IL1F10: variants seen among roughly 807,000 people sequenced by gnomAD.
IL1F10 encodes the protein interleukin 1 family member 10, also known as interleukin-1 family member 10.
IL1F10 carries 13 observed loss-of-function variants against 13.1 expected under a neutral mutation model. The observed-to-expected ratio is 0.99, with a 90% CI of 0.64 to 1.57. IL1F10 has a LOEUF of 1.57. Ranked by LOEUF, IL1F10 falls within the 40% of genes most tolerant of loss-of-function variation. IL1F10 has a pLI of 0.00. For synonymous variants in IL1F10, 78 were observed against 68.2 expected (o/e 1.14, Z -0.71); for missense variants, 191 against 184.1 (o/e 1.04, Z -0.22).
chr2:113,073,695 C>T (rs574101264), intron 2 of IL1F10, among the ~76,000 whole-genome samples: 23 of 152,214 alleles, frequency 1.5e-4, no homozygotes, highest in African/African-American at 5.5e-4. Flanking sequence ...AGGGTATTAT[C>T]GTTAGCTGTT....
At chr2:113,071,788 C>A (rs941642675) in intron 1 of IL1F10, among the ~76,000 whole-genome samples, 1 of 152,126 alleles carries the variant, frequency 6.6e-6, no homozygotes, top group Non-Finnish European at 1.5e-5. Flanking sequence ...TTCTTCCTTT[C>A]TCTTCTCTCA....
At chr2:113,071,919 C>T in intron 1 of IL1F10, among the ~76,000 whole-genome samples, 1 of 152,210 alleles carries the variant, frequency 6.6e-6, no homozygotes, top group East Asian at 1.9e-4. Flanking sequence ...ATTTCCAACT[C>T]CTGATTAGCT....
At chr2:113,069,626 A>C (rs934692986) in intron 1 of IL1F10, among the ~76,000 whole-genome samples, 2 of 152,220 alleles carry the variant, frequency 1.3e-5, no homozygotes, top group African/African-American at 4.8e-5. Context: ...TATCAGCAGG[A>C]TGTCCAAAGT....
chr2:113,071,299 T>G (rs997777662), intron 1 of IL1F10, among the ~76,000 whole-genome samples: 3 of 152,252 alleles, frequency 2.0e-5, no homozygotes, highest in African/African-American at 4.8e-5. Context: ...TTTATTGAAT[T>G]TTGCTATAAT....
Position 113,074,353 on chromosome 2 carries a change from T to C in IL1F10, c.57T>C (p.Ala19=). The C allele has an allele frequency of 6.2e-7, 1 of 1,613,460 alleles. No individual in the cohort carries two copies. Among genetic ancestry groups the C allele is most frequent in the Non-Finnish European group, 8.5e-7 (1 of 1,179,426 alleles). The change falls in exon 3 of 5, where the codon GCT becomes GCC. Residue 19 remains alanine (A), a synonymous_variant. Coordinates refer to ENST00000341010, the MANE Select transcript of IL1F10 (RefSeq NM_173161.3). ...YYIIKYADQK[A]LYTRDGQLLV... The stretch of plus-strand genomic sequence containing the variant: ...GAATTAAATATGCAGACCAGAAGGC[T>C]CTATACACAAGAGATGGCCAGCTGC...
In IL1F10 at chr2:113,074,427, G is replaced by A; in HGVS notation, c.118+13G>A. 5 of 1,598,482 alleles carry A rather than the reference G, an allele frequency of 3.1e-6. No individual in the cohort carries two copies. The highest frequency in any genetic ancestry group is 3.4e-6 in the Non-Finnish European group (4 of 1,166,250). Reference sequence around the variant, plus strand: ...AACTGCTGTGCAGGTGAGCTTCTGGGGCCTCCACCCCATGCTCCATCTGCC... The same window carrying A: ...AACTGCTGTGCAGGTGAGCTTCTGGAGCCTCCACCCCATGCTCCATCTGCC... On this transcript the variant is annotated intron_variant, in intron 3 of 4. Coordinates refer to ENST00000341010, the MANE Select transcript of IL1F10 (RefSeq NM_173161.3).
rs574823626 is a variant in IL1F10, at chr2:113,070,477, G to C, written c.-28-2234G>C. On this transcript the variant is annotated intron_variant, in intron 1 of 4. Transcript: ENST00000341010. ...CACTGACCCAGAGTGGGAGTCATCAGCTTGCTATCCACCTTCACCCAGGGC... is the reference window on the plus strand; with the variant it reads ...CACTGACCCAGAGTGGGAGTCATCACCTTGCTATCCACCTTCACCCAGGGC... Among the ~76,000 whole-genome samples the C allele has an allele frequency of 4.6e-5, 7 of 152,308 alleles. No individual in the cohort carries two copies. The East Asian group carries it at 1.2e-3, about 25-fold the overall frequency.
At chr2:113,074,503 G>T in intron 3 of IL1F10, 89 bp downstream of exon 3, 1 of 1,169,598 alleles carries the variant, frequency 8.5e-7, no homozygotes, top group Non-Finnish European at 1.3e-6. Flanking sequence ...AGGGTCAGCA[G>T]CTGCCCCCAG....
At chr2:113,071,967 T>G (rs1338552293) in intron 1 of IL1F10, among the ~76,000 whole-genome samples, 1 of 152,184 alleles carries the variant, frequency 6.6e-6, no homozygotes, top group Non-Finnish European at 1.5e-5. Context: ...GACTGGCCTT[T>G]CCAATGGGTG....
At chr2:113,074,518 A>C (rs1685899319) in intron 3 of IL1F10, 104 bp downstream of exon 3, 2 of 1,103,648 alleles carry the variant, frequency 1.8e-6, no homozygotes, top group East Asian at 4.7e-5. Context: ...CCCCAGTGAC[A>C]GTGAGAAGGG....
chr2:113,069,168 G>A (rs192542144), intron 1 of IL1F10, among the ~76,000 whole-genome samples: 2 of 152,220 alleles, frequency 1.3e-5, no homozygotes, highest in Non-Finnish European at 2.9e-5. Flanking sequence ...GAGAAGATAA[G>A]AAAGGAATTA....
intron 4 of IL1F10, 25 bp from the exon 5 acceptor site, chr2:113,075,127 G>A: frequency 6.3e-7 from 1 of 1,574,822 alleles, no homozygotes; most frequent in Middle Eastern, 1.7e-4. Context: ...CTCTCATTCT[G>A]CAGCCATCCA....
In IL1F10 at chr2:113,074,830, G is replaced by C; in HGVS notation, c.226G>C (p.Gly76Arg). Residue 76 changes from glycine (G) to arginine (R), a missense_variant, in exon 4 of 5, where the codon GGG becomes CGG. Physicochemically the swap from Gly to Arg is moderately radical, Grantham distance 125. Transcript: ENST00000341010. ...RCLACVETEE[G>R]PSLQLEDVNI... ...CCTGGCATGTGTGGAGACAGAAGAG[G>C]GGCCTTCCCTACAGCTGGAGGTGAG... 6.2e-7 allele frequency: 1 copy of C among 1,612,542 alleles called. No homozygotes were observed. Among genetic ancestry groups the C allele is most frequent in the South Asian group, 1.1e-5 (1 of 91,014 alleles).
chr2:113,071,285 C>G (rs1685830299), intron 1 of IL1F10, among the ~76,000 whole-genome samples: 1 of 152,104 alleles, frequency 6.6e-6, no homozygotes, highest in South Asian at 2.1e-4. Context: ...CACATACATC[C>G]TTATTTATTG....
At chr2:113,069,133 T>A (rs988800224) in intron 1 of IL1F10, among the ~76,000 whole-genome samples, 4 of 152,168 alleles carry the variant, frequency 2.6e-5, no homozygotes, top group Admixed American at 2.0e-4. Flanking sequence ...GGGAGAACAA[T>A]GGGACACCTG....
In IL1F10 at chr2:113,075,463, C is replaced by A; in HGVS notation, c.*99C>A. The A allele has an allele frequency of 2.4e-6, 2 of 832,172 alleles. No homozygotes were observed. The highest frequency in any genetic ancestry group is 1.7e-5 in the African/African-American group (1 of 58,348). 51.5% of individuals were successfully genotyped at this position (832,172 alleles called of 1,614,324 possible). On this transcript the variant is annotated 3_prime_UTR_variant, in exon 5 of 5. Transcript: ENST00000341010. ...AATAATGTCCCCCGAAATATGTCCACATCCTAATCCCAAGATCTGTGCATA... is the reference window on the plus strand; with the variant it reads ...AATAATGTCCCCCGAAATATGTCCAAATCCTAATCCCAAGATCTGTGCATA...
chr2:113,075,015 T>C (rs1685911705), intron 4 of IL1F10, 137 bp from the exon 5 acceptor site: 2 of 1,227,354 alleles, frequency 1.6e-6, no homozygotes, highest in East Asian at 2.3e-5. Flanking sequence ...ACCCTTGCCC[T>C]CTAGAATCTG....
At chr2:113,072,438 T>G (rs1388701671) in intron 1 of IL1F10, 1 of 345,438 alleles carries the variant, frequency 2.9e-6, no homozygotes, top group Non-Finnish European at 5.3e-6. Context: ...GAATCTGTTT[T>G]CCAGTTTCTC....
chr2:113,073,305 A>G (rs1685871563), intron 2 of IL1F10, among the ~76,000 whole-genome samples: 1 of 152,142 alleles, frequency 6.6e-6, no homozygotes, highest in African/African-American at 2.4e-5. Context: ...AGCTCCTTTC[A>G]GGAAGGAGGT....
Sources: allele counts gnomAD v4.1 joint callset (sites outside exome capture counted in the v4.1 genomes callset), GRCh38; gene constraint gnomAD v4.1.1; transcripts MANE v1.5; gene names NCBI Gene and HGNC (gene_info 2026-07-23, HGNC 2026-07-21).